Variants in ANKRD66 observed in about 807,000 individuals in gnomAD.
The protein encoded by ANKRD66 is ankyrin repeat domain-containing protein 66.
In ANKRD66, 10 loss-of-function variants were observed where a neutral mutation model predicts 10.9. The observed-to-expected ratio is 0.91, with a 90% CI of 0.56 to 1.55. The LOEUF (loss-of-function observed/expected upper bound fraction) is 1.55. ANKRD66 is among the 40% of genes most tolerant of loss of function. ANKRD66 has a pLI of 0.00. For synonymous variants in ANKRD66, 85 were observed against 88.4 expected, an observed-to-expected ratio of 0.96 and a Z score of 0.22; for missense variants, 252 against 242.9, an observed-to-expected ratio of 1.04 and a Z score of -0.25.
At chr6:46,758,095 T>C (rs974666540) in intron 4 of ANKRD66, 11 of 152,198 alleles carry the variant, frequency 7.2e-5, no homozygotes, top group African/African-American at 2.7e-4. Context: ...TAAATTCCAT[T>C]TGTCCTCATA....
At chr6:46,749,806 C>T (rs1381149294) in intron 1 of ANKRD66, 90 bp from the exon 2 acceptor site, 15 of 1,425,418 alleles carry the variant, frequency 1.1e-5, no homozygotes, top group African/African-American at 4.4e-5. Flanking sequence ...TTTTACTTTC[C>T]GGTCTTTGTG....
rs764674420 is a variant in ANKRD66, at chr6:46,753,735, G to A, written c.177G>A (p.Val59=). Residue 59 remains valine, a synonymous_variant, in exon 4 of 5, where the codon GTG becomes GTA. Coordinates refer to ENST00000565422, the MANE Select transcript of ANKRD66 (RefSeq NM_001162435.3). ...HWAAIKGQME[V]IRLLIEYGAR... ...GGTACATCTAAGGGCAAATGGAGGTGATACGGCTCCTGATAGAATATGGAG... is the reference window on the plus strand; with the variant it reads ...GGTACATCTAAGGGCAAATGGAGGTAATACGGCTCCTGATAGAATATGGAG... 1 of 1,549,240 alleles carries A rather than the reference G, an allele frequency of 6.5e-7. No homozygotes were observed. Among genetic ancestry groups the A allele is most frequent in the Non-Finnish European group, 8.7e-7 (1 of 1,145,858 alleles).
At chr6:46,755,029 T>A (rs1319076384) in intron 4 of ANKRD66, among the ~76,000 whole-genome samples, 2 of 152,228 alleles carry the variant, frequency 1.3e-5, no homozygotes, top group African/African-American at 4.8e-5. Flanking sequence ...AGTTCCTGCA[T>A]TATCACCAGG....
At chr6:46,747,946 T>G (rs1460609625) in intron 1 of ANKRD66, among the ~76,000 whole-genome samples, 1 of 152,096 alleles carries the variant, frequency 6.6e-6, no homozygotes, top group Non-Finnish European at 1.5e-5. Flanking sequence ...AACCCTTATA[T>G]TTATGTTCAA....
At position 46,758,927 on chromosome 6, in the gene ANKRD66, C is replaced by T. The variant is rs1766431900; in HGVS notation, c.*6C>T. 1 of 1,537,746 alleles carries T rather than the reference C, an allele frequency of 6.5e-7. No individual in the cohort carries two copies. Among genetic ancestry groups the T allele is most frequent in the African/African-American group, 1.4e-5 (1 of 71,940 alleles). On this transcript the variant is annotated 3_prime_UTR_variant, in exon 5 of 5. Transcript: ENST00000565422. The stretch of plus-strand genomic sequence containing the variant: ...CCAAGGGGAGGAGAGTATGAGAACT[C>T]AACCTTATGTTTTCTGGCAAGGAAC...
intron 3 of ANKRD66, among the ~76,000 whole-genome samples, chr6:46,752,814 C>A (rs1582606190): frequency 1.3e-5 from 2 of 152,288 alleles, no homozygotes; most frequent in East Asian, 3.9e-4. Context: ...TTGAATCCCC[C>A]ACGCCTTACA....
intron 3 of ANKRD66, among the ~76,000 whole-genome samples, chr6:46,752,983 T>A (rs1766300699): frequency 6.6e-6 from 1 of 152,168 alleles, no homozygotes; most frequent in South Asian, 2.1e-4. Flanking sequence ...GTGTGGAGAA[T>A]GGGTTGACAA....
intron 4 of ANKRD66, chr6:46,758,356 C>G (rs1390557445): frequency 6.0e-6 from 1 of 166,648 alleles, no homozygotes; most frequent in African/African-American, 2.4e-5. Flanking sequence ...AAATTTTATA[C>G]AAGGAACACA....
At position 46,750,086 on chromosome 6, in the gene ANKRD66, T is replaced by C. The variant is rs924356840; in HGVS notation, c.-13+107T>C. The C allele has an allele frequency of 1.1e-5, 7 of 619,368 alleles. 1 individual carries two copies. The Admixed American group carries it at 1.2e-4, about 11-fold the overall frequency. The allele number at this position is 619,368 out of a possible 1,614,324, so 38.4% of individuals were successfully genotyped here. On this transcript the variant is annotated intron_variant, in intron 2 of 4. Coordinates refer to ENST00000565422, the MANE Select transcript of ANKRD66 (RefSeq NM_001162435.3). ...AGTTGACTCCAGCTCCTTCTTATGA[T>C]CCCAACTTAAATCTTGAGATCAGAG...
In ANKRD66 at chr6:46,749,912, C is replaced by T. The variant is rs1216400699; in HGVS notation, c.-80C>T. 1 of 1,550,674 alleles carries T rather than the reference C, an allele frequency of 6.4e-7. No individual in the cohort carries two copies. Among genetic ancestry groups the T allele is most frequent in the African/African-American group, 1.4e-5 (1 of 72,994 alleles). On this transcript the variant is annotated 5_prime_UTR_variant, in exon 2 of 5. Transcript: ENST00000565422. ...TCCCTCCAGGGCTGTTCTCACATTT[C>T]AATGCACTCACCTGGAGGGCTTACC...
chr6:46,752,160 A>G (rs1008976180), intron 3 of ANKRD66, 49 bp downstream of exon 3: 2 of 1,379,158 alleles, frequency 1.5e-6, no homozygotes, highest in African/African-American at 3.0e-5. Flanking sequence ...TCCACCATTC[A>G]TGAGGCTATC....
intron 3 of ANKRD66, among the ~76,000 whole-genome samples, chr6:46,752,414 T>C (rs1248588593): frequency 2.0e-5 from 3 of 152,146 alleles, no homozygotes; most frequent in African/African-American, 7.2e-5. Context: ...TTTGTATTTT[T>C]AATGGAGAAG....
In ANKRD66 at chr6:46,746,983, A is replaced by G; in HGVS notation, c.-104A>G. ...CAGCACAGAGCTCCTCAAATTTCAC[A>G]CAAGACAGTAAGTGTTTTTAAGTTA... On this transcript the variant is annotated 5_prime_UTR_variant, in exon 1 of 5. Coordinates refer to ENST00000565422, the MANE Select transcript of ANKRD66 (RefSeq NM_001162435.3). 1 of 1,535,530 alleles carries G rather than the reference A, an allele frequency of 6.5e-7. No homozygotes were observed. Among genetic ancestry groups the G allele is most frequent in the Non-Finnish European group, 8.7e-7 (1 of 1,146,786 alleles).
At position 46,752,123 on chromosome 6, in the gene ANKRD66, A is replaced by G. The variant is rs1393970923; in HGVS notation, c.163+12A>G. On this transcript the variant is annotated intron_variant, in intron 3 of 4. Coordinates refer to ENST00000565422, the MANE Select transcript of ANKRD66 (RefSeq NM_001162435.3). ...GGCTGCAATCAAAGGTGAGTGGGCAATGCTTAGGTAGATCTGCCCTTTTGA... is the reference window on the plus strand; with the variant it reads ...GGCTGCAATCAAAGGTGAGTGGGCAGTGCTTAGGTAGATCTGCCCTTTTGA... 6.9e-7 allele frequency: 1 copy of G among 1,454,554 alleles called. No individual in the cohort carries two copies. The highest frequency in any genetic ancestry group is 2.8e-5 in the Admixed American group (1 of 35,598). 90.1% of individuals were successfully genotyped at this position (1,454,554 alleles called of 1,614,324 possible).
rs1157070445 is a variant in ANKRD66 at position 46,752,130 on chromosome 6, G to C, written c.163+19G>C. The C allele has an allele frequency of 2.8e-6, 4 of 1,445,496 alleles. No individual in the cohort carries two copies. Among genetic ancestry groups the C allele is most frequent in the Non-Finnish European group, 3.6e-6 (4 of 1,099,892 alleles). The allele number at this position is 1,445,496 out of a possible 1,614,324, so 89.5% of individuals were successfully genotyped here. ...ATCAAAGGTGAGTGGGCAATGCTTA[G>C]GTAGATCTGCCCTTTTGAGTCCACC... is the stretch of plus-strand genomic sequence containing the variant. On this transcript the variant is annotated intron_variant, in intron 3 of 4. Coordinates refer to ENST00000565422, the MANE Select transcript of ANKRD66 (RefSeq NM_001162435.3).
chr6:46,754,001 G>A, intron 4 of ANKRD66, 51 bp downstream of exon 4: 3 of 1,460,372 alleles, frequency 2.1e-6, no homozygotes, highest in South Asian at 2.6e-5. Context: ...ACAGGAGTCT[G>A]TGATCAAGAT....
chr6:46,750,435 C>G (rs1766245563), intron 2 of ANKRD66, among the ~76,000 whole-genome samples: 1 of 151,832 alleles, frequency 6.6e-6, no homozygotes, highest in South Asian at 2.1e-4. Flanking sequence ...CATAGGTTTA[C>G]TCTCCCCTGC....
intron 4 of ANKRD66, among the ~76,000 whole-genome samples, chr6:46,754,555 G>A (rs1766342778): frequency 6.6e-6 from 1 of 152,132 alleles, no homozygotes; most frequent in African/African-American, 2.4e-5. Flanking sequence ...CTTAGAATTC[G>A]ATTGTTTCGA....
intron 4 of ANKRD66, among the ~76,000 whole-genome samples, chr6:46,755,485 C>A (rs1189632015): frequency 1.3e-5 from 2 of 152,194 alleles, no homozygotes; most frequent in East Asian, 1.9e-4. Flanking sequence ...CTCACACCTG[C>A]AGATTTTATG....
Sources: allele counts gnomAD v4.1 joint callset (sites outside exome capture counted in the v4.1 genomes callset), GRCh38; gene constraint gnomAD v4.1.1; transcripts MANE v1.5; gene names NCBI Gene and HGNC (gene_info 2026-07-23, HGNC 2026-07-21).